Variants in PGC observed in about 807,000 individuals in gnomAD.
PGC encodes the protein progastricsin, also known as gastricsin.
In PGC, 31 loss-of-function variants were observed where a neutral mutation model predicts 45.9. That is an observed-to-expected ratio of 0.67 (90% confidence interval 0.51 to 0.91). PGC has a LOEUF of 0.91. Among genes scored for constraint, PGC ranks in the 40% least tolerant of loss-of-function variants. PGC has a pLI of 0.00. For missense variants in PGC, 477 were observed against 493.2 expected, an observed-to-expected ratio of 0.97 and a Z score of 0.31; for synonymous variants, 192 against 201.8, an observed-to-expected ratio of 0.95 and a Z score of 0.41.
At chr6:41,743,142 G>A (rs544701118) in intron 4 of PGC, 129 bp downstream of exon 4, 1 of 724,262 alleles carries the variant, frequency 1.4e-6, no homozygotes, top group East Asian at 2.5e-5. Context: ...GAATGGACCT[G>A]TCTTGTCCTG....
intron 5 of PGC, chr6:41,741,193 C>G: frequency 6.5e-7 from 1 of 1,529,914 alleles, no homozygotes; most frequent in Non-Finnish European, 8.8e-7. Context: ...AGAGGCTTCT[C>G]TGGTAGCTGG....
At chr6:41,739,707 C>T (rs543046108) in intron 7 of PGC, 92 bp downstream of exon 7, 16 of 1,349,556 alleles carry the variant, frequency 1.2e-5, no homozygotes, top group East Asian at 7.2e-5. Context: ...GCATGAGCCA[C>T]GGCGCCCAGC....
intron 5 of PGC, chr6:41,741,683 G>C (rs780399988): frequency 1.2e-5 from 9 of 722,190 alleles, no homozygotes; most frequent in Admixed American, 1.0e-4. Context: ...GCAAGTTGCT[G>C]GTTAATTCTG....
In PGC at chr6:41,736,819, G is replaced by A; in HGVS notation, c.*33C>T. 1.2e-6 allele frequency: 2 copies of A among 1,612,952 alleles called. No individual in the cohort carries two copies. The highest frequency in any genetic ancestry group is 1.7e-6 in the Non-Finnish European group (2 of 1,179,014). On this transcript the variant is annotated 3_prime_UTR_variant, in exon 9 of 9. Transcript: ENST00000373025. ...CCCTAGGAGGGTGCAGGGTCAAGAGGAAGAGGGGAGCCCACGTGTCGAGGC... is the reference window on the plus strand; with the variant it reads ...CCCTAGGAGGGTGCAGGGTCAAGAGAAAGAGGGGAGCCCACGTGTCGAGGC...
At chr6:41,740,027 C>A in intron 6 of PGC, 81 bp from the exon 7 acceptor site, 1 of 1,234,446 alleles carries the variant, frequency 8.1e-7, no homozygotes, top group Non-Finnish European at 1.1e-6. Context: ...CACTGTGGGA[C>A]AAAGAGCTAC....
chr6:41,744,459 A>G lies in PGC; in HGVS notation c.266T>C (p.Leu89Pro). 1 of 1,613,870 alleles carries G rather than the reference A, an allele frequency of 6.2e-7. No individual in the cohort carries two copies. Among genetic ancestry groups the G allele is most frequent in the South Asian group, 1.1e-5 (1 of 91,064 alleles). The change falls in exon 3 of 9, where the codon CTT (leucine) becomes CCT (proline). Residue 89 changes from leucine (L) to proline (P), a missense_variant. Leu to Pro is a moderately conservative substitution (Grantham distance 98). Coordinates refer to ENST00000373025, the MANE Select transcript of PGC (RefSeq NM_002630.4). This position sits in a 1 kb window ranked among gnomAD's most constrained non-coding sequence, Gnocchi z 4.4. ...CAAGTTGGAGGAGCCGGTGTCAAAA[A>G]GGACCAGGAAGTTCTGGGGTGGAGT... ...IGTPPQNFLV[L>P]FDTGSSNLWV...
chr6:41,737,113 G>C lies in PGC; in HGVS notation c.1015-109C>G. 3 of 1,131,520 alleles carry C rather than the reference G, an allele frequency of 2.7e-6. No individual in the cohort carries two copies. The South Asian group carries it at 4.8e-5, about 18-fold the overall frequency. 70.1% of individuals were successfully genotyped at this position (1,131,520 alleles called of 1,614,324 possible). A position where few individuals can be genotyped will look rare whatever the true frequency, so the allele number is the denominator to read the frequency against. ...CACAAGTGCAGAGCTGAGGGAGCCAGGGTCTCTGCCTTGAGGGCTCATAGG... is the reference window on the plus strand; with the variant it reads ...CACAAGTGCAGAGCTGAGGGAGCCACGGTCTCTGCCTTGAGGGCTCATAGG... On this transcript the variant is annotated intron_variant, in intron 8 of 8. Transcript: ENST00000373025.
chr6:41,745,929 G>A (rs764838685), intron 1 of PGC, among the ~76,000 whole-genome samples: 33 of 151,768 alleles, frequency 2.2e-4, no homozygotes, highest in Non-Finnish European at 3.5e-4. Context: ...TTGGGAGGCC[G>A]AGGCGGGTGG....
Position 41,744,681 on chromosome 6 carries a change from A to G in PGC, c.187T>C (p.Tyr63His). 6.2e-7 allele frequency: 1 copy of G among 1,614,164 alleles called. No homozygotes were observed. The highest frequency in any genetic ancestry group is 8.5e-7 in the Non-Finnish European group (1 of 1,180,016). ...KYRFGDLSVT[Y>H]EPMAYMDAAY... ...ACATCCATGTAGGCCATGGGCTCGT[A>G]GGTCACGCTGAGGTCACCAAAGCGG... is the stretch of plus-strand genomic sequence containing the variant. The change falls in exon 2 of 9, where the codon TAC becomes CAC. Residue 63 changes from tyrosine to histidine, a missense_variant. Transcript: ENST00000373025. The surrounding 1 kb of genome is among the most constrained non-coding windows in gnomAD (Gnocchi z 4.4).
At position 41,736,783 on chromosome 6, in the gene PGC, C is replaced by A. The variant is rs780805647; in HGVS notation, c.*69G>T. On this transcript the variant is annotated 3_prime_UTR_variant, in exon 9 of 9. Transcript: ENST00000373025. ...GAAGGCTGAATCCAGAGTGGAAAGA[C>A]AGATACAATGCCCTAGGAGGGTGCA... 1 of 1,490,668 alleles carries A rather than the reference C, an allele frequency of 6.7e-7. No homozygotes were observed. Among genetic ancestry groups the A allele is most frequent in the Non-Finnish European group, 9.4e-7 (1 of 1,067,874 alleles). The allele number at this position is 1,490,668 out of a possible 1,614,324, so 92.3% of individuals were successfully genotyped here.
At chr6:41,742,204 C>T (rs1044310769) in intron 5 of PGC, 86 bp downstream of exon 5, 1 of 1,272,898 alleles carries the variant, frequency 7.9e-7, no homozygotes, top group Non-Finnish European at 1.1e-6. Flanking sequence ...CCTCCAAACC[C>T]CAAAGCATTG....
intron 4 of PGC, 82 bp from the exon 5 acceptor site, chr6:41,742,571 T>C: frequency 2.0e-6 from 2 of 1,004,804 alleles, no homozygotes; most frequent in Non-Finnish European, 3.2e-6. Context: ...TCCTCAAGCC[T>C]CTGTTCATCC....
chr6:41,737,595 T>G, intron 8 of PGC, 135 bp downstream of exon 8: 1 of 594,074 alleles, frequency 1.7e-6, no homozygotes, highest in Non-Finnish European at 3.1e-6. Context: ...TTAGAATCAA[T>G]GAGTGGGGAA....
chr6:41,738,541 T>C (rs1771759666), intron 7 of PGC, among the ~76,000 whole-genome samples: 1 of 151,440 alleles, frequency 6.6e-6, no homozygotes, highest in Non-Finnish European at 1.5e-5. Context: ...GGTGGGAGGA[T>C]TGCTTGAGCC....
chr6:41,746,996 G>C (rs1771939724), intron 1 of PGC, among the ~76,000 whole-genome samples: 1 of 152,218 alleles, frequency 6.6e-6, no homozygotes, highest in Admixed American at 6.5e-5. Flanking sequence ...GGCTGCTTGG[G>C]CAGTAGTCAC....
At chr6:41,741,450 A>T (rs1037880811) in intron 5 of PGC, among the ~76,000 whole-genome samples, 1 of 152,198 alleles carries the variant, frequency 6.6e-6, no homozygotes, top group Non-Finnish European at 1.5e-5. Flanking sequence ...GTTTGAGACC[A>T]GCCTGGCCAA....
In PGC at chr6:41,743,347, G is replaced by A; in HGVS notation, c.371C>T (p.Ser124Phe). Residue 124 changes from serine (S) to phenylalanine (F), a missense_variant, in exon 4 of 9, where the codon TCC becomes TTC. Physicochemically the swap from Ser to Phe is radical, Grantham distance 155 (BLOSUM62 -2). Coordinates refer to ENST00000373025, the MANE Select transcript of PGC (RefSeq NM_002630.4). ...CAGGGAGAAGGTCTGCCCATTGGTG[G>A]AGTAGGTGGACGACTCGCTGGGGTT... ...RFNPSESSTY[S>F]TNGQTFSLQY... The A allele has an allele frequency of 6.2e-7, 1 of 1,614,124 alleles. No individual in the cohort carries two copies. Among genetic ancestry groups the A allele is most frequent in the East Asian group, 2.2e-5 (1 of 44,894 alleles).
At chr6:41,743,487 T>G in intron 3 of PGC, 98 bp from the exon 4 acceptor site, 1 of 783,940 alleles carries the variant, frequency 1.3e-6, no homozygotes, top group East Asian at 2.4e-5. Flanking sequence ...TCGCTCAGGC[T>G]GCGCTCACAT....
Position 41,743,332 on chromosome 6 carries a change from G to T in PGC, c.386C>A (p.Thr129Asn), listed in dbSNP as rs145778329. 1.9e-6 allele frequency: 3 copies of T among 1,614,110 alleles called. No homozygotes were observed. The highest frequency in any genetic ancestry group is 2.5e-6 in the Non-Finnish European group (3 of 1,179,930). ...ESSTYSTNGQ[T>N]FSLQYGSGSL... ...GCCACTGCCATACTGCAGGGAGAAGGTCTGCCCATTGGTGGAGTAGGTGGA... is the reference window on the plus strand; with the variant it reads ...GCCACTGCCATACTGCAGGGAGAAGTTCTGCCCATTGGTGGAGTAGGTGGA... Residue 129 changes from threonine to asparagine, a missense_variant, in exon 4 of 9, where the codon ACC (threonine) becomes AAC (asparagine). Coordinates refer to ENST00000373025, the MANE Select transcript of PGC (RefSeq NM_002630.4).
Sources: gnomAD v4.1 joint callset for allele counts (sites outside exome capture counted in the v4.1 genomes callset) on GRCh38, gnomAD v4.1.1 for gene constraint, Gnocchi (gnomAD v3.1) non-coding constraint, MANE v1.5 for transcripts, NCBI Gene and HGNC (gene_info 2026-07-23, HGNC 2026-07-21) for gene names.